LRRC4C: variants seen among roughly 807,000 people sequenced by gnomAD.
The protein encoded by LRRC4C is leucine-rich repeat-containing protein 4C.
LRRC4C carries 5 observed loss-of-function variants against 33.6 expected under a neutral mutation model. The ratio of observed to expected loss-of-function variants is 0.15; its 90% confidence interval spans 0.08 to 0.31. The LOEUF (loss-of-function observed/expected upper bound fraction) is 0.31. Ranked by LOEUF, LRRC4C falls within the 10% of genes least tolerant of loss-of-function variation. The probability of loss-of-function intolerance (pLI) is 1.00; values close to 1 mark genes in which losing one functional copy is unlikely to be tolerated. For synonymous variants in LRRC4C, 329 were observed against 302.0 expected, an observed-to-expected ratio of 1.09 and a Z score of -0.93; for missense variants, 560 against 796.7, an observed-to-expected ratio of 0.70 and a Z score of 3.58.
chr11:41,150,760 G>A (rs2135963426), intron 1 of LRRC4C, among the ~76,000 whole-genome samples: 1 of 149,430 alleles, frequency 6.7e-6, no homozygotes, highest in East Asian at 2.0e-4. Flanking sequence ...CTGCACAACA[G>A]ACTCCATCTC....
At chr11:41,105,773 A>T (rs1246130628) in intron 1 of LRRC4C, among the ~76,000 whole-genome samples, 1 of 152,110 alleles carries the variant, frequency 6.6e-6, no homozygotes, top group Non-Finnish European at 1.5e-5. Flanking sequence ...GTGGAAAGAG[A>T]CTTCTGCAGA....
chr11:41,194,002 C>A (rs1235339959), intron 1 of LRRC4C, among the ~76,000 whole-genome samples: 1 of 151,970 alleles, frequency 6.6e-6, no homozygotes, highest in Non-Finnish European at 1.5e-5. Context: ...TCTCTTCTGC[C>A]AGTGCCACCC....
At chr11:41,262,559 C>T (rs1447015711) in intron 1 of LRRC4C, among the ~76,000 whole-genome samples, 3 of 152,034 alleles carry the variant, frequency 2.0e-5, no homozygotes, top group Non-Finnish European at 2.9e-5. Flanking sequence ...AACGTATTAT[C>T]AGTTATCCTA....
chr11:41,013,501 T>G (rs1248982924), intron 1 of LRRC4C, among the ~76,000 whole-genome samples: 1 of 152,234 alleles, frequency 6.6e-6, no homozygotes, highest in Non-Finnish European at 1.5e-5. Flanking sequence ...CGTATGTTCC[T>G]TATAGACACT....
intron 1 of LRRC4C, among the ~76,000 whole-genome samples, chr11:41,419,418 G>T (rs1374017994): frequency 6.6e-6 from 1 of 151,858 alleles, no homozygotes; most frequent in Admixed American, 6.6e-5. Flanking sequence ...AGAGATTGAT[G>T]CAATTAGCAA....
rs138322738 is a variant in LRRC4C at position 40,576,402 on chromosome 11, G to A, written c.-270+71740C>T. On this transcript the variant is annotated intron_variant, in intron 3 of 6. Transcript: ENST00000528697. ...GACCAGTTCCTTTTTATAATTTTTA[G>A]CCTGGACTTGGCCTATAGCCTTGTA... Among the ~76,000 whole-genome samples, 133 of 152,240 alleles carry A rather than the reference G, an allele frequency of 8.7e-4. 3 individuals carry two copies. The highest frequency in any genetic ancestry group is 3.1e-3 in the African/African-American group (129 of 41,534).
chr11:41,109,478 G>A (rs1590619756), intron 1 of LRRC4C, among the ~76,000 whole-genome samples: 1 of 152,018 alleles, frequency 6.6e-6, no homozygotes, highest in African/African-American at 2.4e-5. Flanking sequence ...TATAAAACTA[G>A]AAGAAAACTT....
At chr11:41,269,838 T>C (rs971602644) in intron 1 of LRRC4C, among the ~76,000 whole-genome samples, 1 of 152,094 alleles carries the variant, frequency 6.6e-6, no homozygotes, top group African/African-American at 2.4e-5. Context: ...AAGATTACTG[T>C]GTCCATCAAA....
chr11:40,259,545 G>GTCT (rs1867515384), intron 4 of LRRC4C, among the ~76,000 whole-genome samples: 1 of 152,000 alleles, frequency 6.6e-6, no homozygotes, highest in Non-Finnish European at 1.5e-5. Context: ...ATGGTTTTAG[G>GTCT]TCGAACGTTT....
chr11:40,614,181 T>A (rs577572132), intron 3 of LRRC4C, among the ~76,000 whole-genome samples: 2 of 151,890 alleles, frequency 1.3e-5, no homozygotes, highest in Non-Finnish European at 2.9e-5. Flanking sequence ...CCAGATGGCA[T>A]CTTCTTCCAG....
At position 40,879,704 on chromosome 11, in the gene LRRC4C, T is replaced by C. The variant is rs531217178; in HGVS notation, c.-407+53931A>G. ...TGGAGGAAGACCTTCAGGGAAGACT[T>C]TCAGTAGAACTTGTGCTTTACTTTG... On this transcript the variant is annotated intron_variant, in intron 2 of 6. Transcript: ENST00000528697. Among the ~76,000 whole-genome samples the C allele has an allele frequency of 8.5e-5, 13 of 152,164 alleles. 1 individual carries two copies. Among genetic ancestry groups the C allele is most frequent in the Middle Eastern group, 6.8e-3 (2 of 294 alleles).
At chr11:40,376,721 ATGTGTG>A (rs61662311) in intron 3 of LRRC4C, among the ~76,000 whole-genome samples, 1 of 147,770 alleles carries the variant, frequency 6.8e-6, no homozygotes, top group African/African-American at 2.5e-5. Flanking sequence ...GTGTGTGCTT[ATGTGTG>A]TGTGTGTGTG....
At chr11:40,174,735 G>T (rs1860331222) in intron 5 of LRRC4C, among the ~76,000 whole-genome samples, 1 of 152,172 alleles carries the variant, frequency 6.6e-6, no homozygotes, top group South Asian at 2.1e-4. Context: ...AGAAAAAAGT[G>T]CAATAGTAGT....
chr11:41,195,727 G>A (rs1946151262), intron 1 of LRRC4C, among the ~76,000 whole-genome samples: 1 of 152,108 alleles, frequency 6.6e-6, no homozygotes. Context: ...TACGAACAAT[G>A]AAGTGAGCAA....
At chr11:40,941,603 A>G (rs1329910134) in intron 1 of LRRC4C, among the ~76,000 whole-genome samples, 1 of 152,172 alleles carries the variant, frequency 6.6e-6, no homozygotes, top group Non-Finnish European at 1.5e-5. Context: ...CATTAGTAAC[A>G]CTAAGCTAAC....
intron 1 of LRRC4C, among the ~76,000 whole-genome samples, chr11:41,326,571 T>G (rs183991820): frequency 1.7e-4 from 26 of 152,218 alleles, no homozygotes; most frequent in Non-Finnish European, 1.3e-4. Context: ...AAGTTAAAAA[T>G]ATAAAAAATT....
intron 2 of LRRC4C, among the ~76,000 whole-genome samples, chr11:40,699,935 T>A (rs540857711): frequency 2.6e-5 from 4 of 152,316 alleles, no homozygotes; most frequent in African/African-American, 9.6e-5. Context: ...AAGTCTTTTT[T>A]AATTTTAAAT....
intron 1 of LRRC4C, among the ~76,000 whole-genome samples, chr11:41,366,438 G>A: frequency 6.6e-6 from 1 of 152,186 alleles, no homozygotes. Context: ...TTATGTTCTA[G>A]TAACAGGGTA....
intron 3 of LRRC4C, among the ~76,000 whole-genome samples, chr11:40,401,234 C>CCT (rs146489901): frequency 0.021 from 3,086 of 148,258 alleles, 105 homozygotes; most frequent in African/African-American, 0.068. Flanking sequence ...AGTCAATCTC[C>CCT]CTCTCTCTCT....
Sources: allele counts gnomAD v4.1 joint callset (sites outside exome capture counted in the v4.1 genomes callset), GRCh38; gene constraint gnomAD v4.1.1; transcripts MANE v1.5; gene names NCBI Gene and HGNC (gene_info 2026-07-23, HGNC 2026-07-21).